The following FGD6 variants were observed in gnomAD, a reference collection of about 807,000 sequenced individuals.
FGD6 encodes the protein FYVE, RhoGEF and PH domain containing 6, also known as FYVE, RhoGEF and PH domain-containing protein 6.
A neutral mutation model predicts 149.4 loss-of-function variants in FGD6; 90 were observed. That is an observed-to-expected ratio of 0.60 (90% CI 0.51 to 0.72). The LOEUF is 0.72. Ranked by LOEUF, FGD6 falls within the 30% of genes least tolerant of loss-of-function variation. The probability of loss-of-function intolerance (pLI) is 0.00; values close to 1 mark genes in which losing one functional copy is unlikely to be tolerated. For synonymous variants in FGD6, 527 were observed against 584.0 expected, an observed-to-expected ratio of 0.90 and a Z score of 1.41; for missense variants, 1,437 against 1,684.8, an observed-to-expected ratio of 0.85 and a Z score of 2.57.
chr12:95,210,892 A>AG lies in FGD6; in HGVS notation c.391dup (p.Leu131ProfsTer10). 6.2e-7 allele frequency: 1 copy of AG among 1,613,148 alleles called. No individual in the cohort carries two copies. On this transcript the variant is annotated frameshift_variant, in exon 2 of 21. Transcript: ENST00000343958. LOFTEE classifies it high-confidence loss of function. ...ATTCATTTCCAGGGGCTCTAAAACA[A>AG]GCTGCTTTACACACAAATTCTCTCT...
chr12:95,141,530 C>A lies in FGD6; in HGVS notation c.2695G>T (p.Asp899Tyr), dbSNP rs144218820. 1 of 1,614,064 alleles carries A rather than the reference C, an allele frequency of 6.2e-7. No individual in the cohort carries two copies. The highest frequency in any genetic ancestry group is 2.2e-5 in the East Asian group (1 of 44,876). The change falls in exon 6 of 21, where the codon GAT becomes TAT. Residue 899 changes from aspartate to tyrosine, a missense_variant. Coordinates refer to ENST00000343958, the MANE Select transcript of FGD6 (RefSeq NM_018351.4). The stretch of plus-strand genomic sequence containing the variant: ...TGCCTGGAAGCATGAGCTACTGCAT[C>A]CCGGAAATCCTATTACAGTCCAGAG... ...VLKLLHIDFR[D>Y]AVAHASRQLG... is the part of the protein sequence containing the mutation.
intron 9 of FGD6, 68 bp from the exon 10 acceptor site, chr12:95,108,629 G>A (rs2136241833): frequency 3.8e-6 from 6 of 1,561,034 alleles, no homozygotes; most frequent in Middle Eastern, 3.4e-4. Flanking sequence ...GCAACATTAA[G>A]CAATTCCAGG....
Position 95,077,562 on chromosome 12 carries a change from A to G in FGD6, c.*3958T>C, listed in dbSNP as rs1877536561. The G allele has an allele frequency of 6.6e-6, 1 of 152,256 alleles. No homozygotes were observed. Among genetic ancestry groups the G allele is most frequent in the South Asian group, 2.1e-4 (1 of 4,820 alleles). The allele number at this position is 152,256 out of a possible 1,614,324, so 9.4% of individuals were successfully genotyped here. A position where few individuals can be genotyped will look rare whatever the true frequency, so the allele number is the denominator to read the frequency against. On this transcript the variant is annotated 3_prime_UTR_variant, in exon 21 of 21. Transcript: ENST00000343958. ...ACTGGGAAAGCCACTGAGGCATGTA[A>G]AAGTGGGGATGAAACTAGATTAGAG...
At chr12:95,146,651 C>T (rs1024326372) in intron 5 of FGD6, among the ~76,000 whole-genome samples, 3 of 152,130 alleles carry the variant, frequency 2.0e-5, no homozygotes, top group African/African-American at 4.8e-5. Flanking sequence ...AATTGAACCA[C>T]CTACACTGTA....
chr12:95,184,813 C>A (rs1881381339), intron 2 of FGD6, among the ~76,000 whole-genome samples: 1 of 152,112 alleles, frequency 6.6e-6, no homozygotes, highest in Non-Finnish European at 1.5e-5. Context: ...AAACTCCTGA[C>A]CTCAAGTGAT....
At chr12:95,131,029 T>G (rs1488419984) in intron 8 of FGD6, among the ~76,000 whole-genome samples, 1 of 152,160 alleles carries the variant, frequency 6.6e-6, no homozygotes, top group Non-Finnish European at 1.5e-5. Context: ...TGTGCCTTTC[T>G]TTTTAGGAGA....
intron 5 of FGD6, among the ~76,000 whole-genome samples, chr12:95,151,359 C>G (rs530437719): frequency 6.6e-6 from 1 of 152,192 alleles, no homozygotes; most frequent in East Asian, 1.9e-4. Context: ...CAACCTCTGC[C>G]TCCTGGGTTC....
chr12:95,198,089 C>T (rs1237084428), intron 2 of FGD6, among the ~76,000 whole-genome samples: 2 of 152,132 alleles, frequency 1.3e-5, no homozygotes, highest in Non-Finnish European at 2.9e-5. Flanking sequence ...AATAGTTTGT[C>T]CCTTGTGGTC....
At chr12:95,139,375 A>C (rs1213976341) in intron 6 of FGD6, among the ~76,000 whole-genome samples, 1 of 151,844 alleles carries the variant, frequency 6.6e-6, no homozygotes, top group Non-Finnish European at 1.5e-5. Flanking sequence ...AGGGAAGTCA[A>C]GGCTGCAGTG....
At chr12:95,119,835 G>A (rs548885736) in intron 8 of FGD6, among the ~76,000 whole-genome samples, 6 of 152,244 alleles carry the variant, frequency 3.9e-5, no homozygotes, top group Admixed American at 3.3e-4. Flanking sequence ...CAGGAGGATC[G>A]CTTGAACCCA....
At chr12:95,117,209 C>T (rs1206444567) in intron 8 of FGD6, among the ~76,000 whole-genome samples, 1 of 152,056 alleles carries the variant, frequency 6.6e-6, no homozygotes, top group Non-Finnish European at 1.5e-5. Context: ...AAAACTGCCT[C>T]AAATGCCACT....
chr12:95,208,759 T>C (rs1271102265), intron 2 of FGD6, 84 bp downstream of exon 2: 7 of 1,470,652 alleles, frequency 4.8e-6, no homozygotes, highest in African/African-American at 1.4e-5. Flanking sequence ...ACGTGTTTTT[T>C]TTCCCCCTGC....
In FGD6 at chr12:95,077,944, G is replaced by A. The variant is rs1382354082; in HGVS notation, c.*3576C>T. On this transcript the variant is annotated 3_prime_UTR_variant, in exon 21 of 21. Coordinates refer to ENST00000343958, the MANE Select transcript of FGD6 (RefSeq NM_018351.4). The stretch of plus-strand genomic sequence containing the variant: ...CTTTGCAGGATAGTGGAGAAAGTAG[G>A]TCTAAGGTCCAGGTTATAATGTGGA... 2 of 152,208 alleles carry A rather than the reference G, an allele frequency of 1.3e-5. No individual in the cohort carries two copies. The highest frequency in any genetic ancestry group is 4.8e-5 in the African/African-American group (2 of 41,432). 9.4% of individuals were successfully genotyped at this position (152,208 alleles called of 1,614,324 possible).
At chr12:95,193,183 C>A (rs1474222503) in intron 2 of FGD6, among the ~76,000 whole-genome samples, 1 of 152,072 alleles carries the variant, frequency 6.6e-6, no homozygotes, top group Non-Finnish European at 1.5e-5. Flanking sequence ...TATATTCACA[C>A]AAAAACCTGA....
intron 2 of FGD6, among the ~76,000 whole-genome samples, chr12:95,181,376 G>A (rs1199902220): frequency 1.3e-5 from 2 of 152,136 alleles, no homozygotes; most frequent in Non-Finnish European, 2.9e-5. Flanking sequence ...GACACAGGAG[G>A]AGCCCCATGG....
chr12:95,183,558 A>G (rs1008085125), intron 2 of FGD6, among the ~76,000 whole-genome samples: 1 of 152,214 alleles, frequency 6.6e-6, no homozygotes, highest in Non-Finnish European at 1.5e-5. Context: ...GGTAATTCAA[A>G]CAACCTCCAA....
At chr12:95,165,075 GA>G (rs765201667) in intron 3 of FGD6, among the ~76,000 whole-genome samples, 6 of 152,020 alleles carry the variant, frequency 3.9e-5, no homozygotes, top group Non-Finnish European at 5.9e-5. Flanking sequence ...GCCCTGAAAG[GA>G]AAGACCAAAA....
At chr12:95,138,466 C>G (rs1879744774) in intron 6 of FGD6, among the ~76,000 whole-genome samples, 2 of 151,718 alleles carry the variant, frequency 1.3e-5, no homozygotes, top group South Asian at 4.2e-4. Flanking sequence ...ATCGCTTGAA[C>G]CCGGTAGGTA....
At chr12:95,114,490 A>G (rs1878944788) in intron 8 of FGD6, among the ~76,000 whole-genome samples, 1 of 97,252 alleles carries the variant, frequency 1.0e-5, no homozygotes, top group Admixed American at 1.1e-4. Flanking sequence ...ACACACACAC[A>G]CACGTCAGAC....
Sources: allele counts gnomAD v4.1 joint callset (sites outside exome capture counted in the v4.1 genomes callset), GRCh38; gene constraint gnomAD v4.1.1; transcripts MANE v1.5; gene names NCBI Gene and HGNC (gene_info 2026-07-23, HGNC 2026-07-21).